The following MGST1 variants were observed in gnomAD, a reference collection of about 807,000 sequenced individuals.
The protein encoded by MGST1 is glutathione S-transferase 12.
In MGST1, 5 loss-of-function variants were observed where a neutral mutation model predicts 8.9. The observed-to-expected ratio is 0.56, with a 90% confidence interval of 0.29 to 1.19. The LOEUF is 1.19. Among genes scored for constraint, MGST1 ranks in the 50% most tolerant of loss-of-function variants. The pLI is 0.08. For missense variants in MGST1, 182 were observed against 187.4 expected (o/e 0.97, Z 0.17); for synonymous variants, 54 against 67.8 (o/e 0.80, Z 1.00).
intron 3 of MGST1, chr12:16,360,218 C>A: frequency 2.3e-6 from 1 of 429,352 alleles, no homozygotes; most frequent in Non-Finnish European, 3.1e-6. Flanking sequence ...TTTGGAGACA[C>A]TTTTCAGAGA....
downstream of MGST1, among the ~76,000 whole-genome samples, chr12:16,592,458 G>C (rs1045705682): frequency 6.6e-6 from 1 of 151,972 alleles, no homozygotes; most frequent in African/African-American, 2.4e-5. Flanking sequence ...AATATTTATA[G>C]ACTCTAAAAT....
At position 16,544,062 on chromosome 12, in the gene MGST1, C is replaced by T. The variant is rs946897607; in HGVS notation, n.483-45466C>T. Among the ~76,000 whole-genome samples, 2 of 151,916 alleles carry T rather than the reference C, an allele frequency of 1.3e-5. No homozygotes were observed. The highest frequency in any genetic ancestry group is 2.9e-5 in the Non-Finnish European group (2 of 67,954). On this transcript the variant is annotated intron_variant and non_coding_transcript_variant, in intron 4 of 4. Transcript: ENST00000538857. This position sits in a 1 kb window ranked among gnomAD's most constrained non-coding sequence, Gnocchi z 4.8. ...GCTGCTTTATACACATTTGTTTGGT[C>T]GCTGCAGTTTTCAGGTTGAGTATTC...
chr12:16,351,672 T>A (rs1939471330), intron 1 of MGST1, among the ~76,000 whole-genome samples: 4 of 152,056 alleles, frequency 2.6e-5, no homozygotes, highest in Admixed American at 2.0e-4. Context: ...TAGCCAGGTG[T>A]GGTGGCGGGC....
At chr12:16,390,630 G>T (rs1246935615) in intron 1 of MGST1, among the ~76,000 whole-genome samples, 2 of 152,022 alleles carry the variant, frequency 1.3e-5, no homozygotes, top group African/African-American at 4.8e-5. Context: ...ACACAATCTT[G>T]TTCTTATTCC....
Position 16,387,683 on chromosome 12 carries a change from C to T in MGST1, n.778+4079C>T, listed in dbSNP as rs1049936966. On this transcript the variant is annotated intron_variant and non_coding_transcript_variant, in intron 1 of 1. Coordinates refer to the MGST1 transcript ENST00000359720. ...CTGGGACTACAGGCGCCCACCACCA[C>T]GCCTGGCTAATTTTTTGTATTTTTA... is the stretch of plus-strand genomic sequence containing the variant. Among the ~76,000 whole-genome samples, 5 of 152,084 alleles carry T rather than the reference C, an allele frequency of 3.3e-5. No individual in the cohort carries two copies. The South Asian group carries it at 6.2e-4, about 19-fold the overall frequency.
chr12:16,399,494 C>A (rs878993455), intron 1 of MGST1: 1 of 1,561,594 alleles, frequency 6.4e-7, no homozygotes, highest in Non-Finnish European at 8.8e-7. Flanking sequence ...CACTACCCAA[C>A]GACTCCTTAG....
At chr12:16,357,499 G>C (rs1458776949) in intron 2 of MGST1, 106 bp from the exon 3 acceptor site, 9 of 814,764 alleles carry the variant, frequency 1.1e-5, no homozygotes, top group African/African-American at 3.5e-5. Flanking sequence ...GAATTCTTGG[G>C]CTCAAGCAAT....
At position 16,351,450 on chromosome 12, in the gene MGST1, T is replaced by A. The variant is rs191606467; in HGVS notation, c.-22-2781T>A. 6.6e-5 allele frequency among the ~76,000 whole-genome samples: 10 copies of A among 152,312 alleles called. No homozygotes were observed. The East Asian group carries it at 1.7e-3, about 26-fold the overall frequency. On this transcript the variant is annotated intron_variant, in intron 1 of 3. Coordinates refer to ENST00000396210, the MANE Select transcript of MGST1 (RefSeq NM_020300.5). ...TTAATTTGCTATCTAGGGGATTTTT[T>A]AAAAACCTTGCGCATGTAGTTTCTG...
rs1795093042 is a variant in MGST1 at position 16,500,354 on chromosome 12, G to A, written n.483-89174G>A. Among the ~76,000 whole-genome samples, 1 of 152,128 alleles carries A rather than the reference G, an allele frequency of 6.6e-6. No individual in the cohort carries two copies. Among genetic ancestry groups the A allele is most frequent in the African/African-American group, 2.4e-5 (1 of 41,430 alleles). ...CAACAAATAAACTGGAAAAAGAGAG[G>A]TTCTTATTATAACAACAGCTATTCC... On this transcript the variant is annotated intron_variant and non_coding_transcript_variant, in intron 4 of 4. Transcript: ENST00000538857. This position sits in a 1 kb window ranked among gnomAD's most constrained non-coding sequence, Gnocchi z 4.3.
In MGST1 at chr12:16,586,808, A is replaced by G. The variant is rs1476417960; in HGVS notation, n.483-2720A>G. ...ACTTTTGTAACCTTTCTCCCAAAGG[A>G]ACATGTAAGCCATACACAGTTGGCA... On this transcript the variant is annotated intron_variant and non_coding_transcript_variant, in intron 4 of 4. Transcript: ENST00000538857. The surrounding 1 kb of genome is among the most constrained non-coding windows in gnomAD (Gnocchi z 4.3). Among the ~76,000 whole-genome samples the G allele has an allele frequency of 6.6e-6, 1 of 152,202 alleles. No homozygotes were observed. The highest frequency in any genetic ancestry group is 2.4e-5 in the African/African-American group (1 of 41,458).
At chr12:16,518,766 T>C (rs551750012) in intron 4 of MGST1, among the ~76,000 whole-genome samples, 14 of 152,336 alleles carry the variant, frequency 9.2e-5, no homozygotes, top group South Asian at 2.1e-4. Context: ...AAAAAGACCC[T>C]GATTTTTAGA....
intron 4 of MGST1, among the ~76,000 whole-genome samples, chr12:16,476,045 C>T (rs2137139282): frequency 6.6e-6 from 1 of 152,152 alleles, no homozygotes. Flanking sequence ...CCACCACAAG[C>T]CCCTACTCTC....
chr12:16,402,499 T>TC, intron 1 of MGST1: 1 of 1,239,458 alleles, frequency 8.1e-7, no homozygotes, highest in Non-Finnish European at 1.2e-6. Context: ...GGCCCAGGAA[T>TC]CCCGCACTCT....
At chr12:16,416,642 C>T (rs1277060270) in intron 1 of MGST1, among the ~76,000 whole-genome samples, 6 of 152,112 alleles carry the variant, frequency 3.9e-5, no homozygotes, top group African/African-American at 1.4e-4. Context: ...CTCCCAAAGG[C>T]CCCATCTCCA....
At chr12:16,380,844 A>C (rs2137039573), downstream of MGST1, among the ~76,000 whole-genome samples, 1 of 152,180 alleles carries the variant, frequency 6.6e-6, no homozygotes, top group East Asian at 1.9e-4. Context: ...GGGTGCATAT[A>C]TATTTAGGAT....
At chr12:16,558,858 AAATT>A (rs1422561769) in intron 4 of MGST1, among the ~76,000 whole-genome samples, 1 of 152,174 alleles carries the variant, frequency 6.6e-6, no homozygotes, top group African/African-American at 2.4e-5. Flanking sequence ...CATTTAATAT[AAATT>A]AATTATTTCA....
Position 16,516,506 on chromosome 12 carries a change from TG to T in MGST1, n.483-73019del, listed in dbSNP as rs200339060. 3.1e-3 allele frequency among the ~76,000 whole-genome samples: 470 copies of T among 152,272 alleles called. 14 individuals are homozygous for T. Among genetic ancestry groups the T allele is most frequent in the Admixed American group, 0.028 (432 of 15,300 alleles). ...GTGGCCATGAATTAGGTCTCAAAAT[TG>T]GGCAAGTTTCTTAGTCTTTCAGACT... On this transcript the variant is annotated intron_variant and non_coding_transcript_variant, in intron 4 of 4. Coordinates refer to the MGST1 transcript ENST00000538857.
At chr12:16,402,178 C>CA in intron 1 of MGST1, 1 of 1,526,874 alleles carries the variant, frequency 6.5e-7, no homozygotes. Flanking sequence ...AAAAACTCCA[C>CA]TTTTTTTTTG....
At chr12:16,406,113 A>G (rs1199070298) in intron 1 of MGST1, among the ~76,000 whole-genome samples, 1 of 152,068 alleles carries the variant, frequency 6.6e-6, no homozygotes, top group Non-Finnish European at 1.5e-5. Flanking sequence ...AAGCCATCCA[A>G]ATAACTGGCT....
Sources: gnomAD v4.1 joint callset for allele counts (sites outside exome capture counted in the v4.1 genomes callset) on GRCh38, gnomAD v4.1.1 for gene constraint, Gnocchi (gnomAD v3.1) non-coding constraint, MANE v1.5 for transcripts, NCBI Gene and HGNC (gene_info 2026-07-23, HGNC 2026-07-21) for gene names.